The following COA8 variants were observed in gnomAD, a reference collection of about 807,000 sequenced individuals.
COA8 encodes UPF0671 protein C14orf153.
A neutral mutation model predicts 22.0 loss-of-function variants in COA8; 20 were observed. That is an observed-to-expected ratio of 0.91 (90% CI 0.64 to 1.32). The LOEUF is 1.32. COA8 is among the 40% of genes most tolerant of loss of function. The pLI is 0.00. For synonymous variants in COA8, 105 were observed against 79.9 expected, an observed-to-expected ratio of 1.31 and a Z score of -1.68; for missense variants, 266 against 230.0, an observed-to-expected ratio of 1.16 and a Z score of -1.01.
chr14:103,577,591 T>C (rs1037931128), intron 3 of COA8, among the ~76,000 whole-genome samples: 1 of 152,076 alleles, frequency 6.6e-6, no homozygotes, highest in South Asian at 2.1e-4. Context: ...TAAGAATTCA[T>C]GTGAGAGCCA....
At chr14:103,586,874 T>A (rs916374088) in intron 3 of COA8, among the ~76,000 whole-genome samples, 2 of 151,756 alleles carry the variant, frequency 1.3e-5, no homozygotes, top group Non-Finnish European at 2.9e-5. Flanking sequence ...TGGCTAATAT[T>A]TGTATTTTTA....
chr14:103,588,334 G>A (rs939784391), intron 4 of COA8: 1 of 395,214 alleles, frequency 2.5e-6, no homozygotes, highest in African/African-American at 2.1e-5. Context: ...GGGCAACATA[G>A]TGAAAGGCTT....
chr14:103,563,135 G>C lies in COA8; in HGVS notation c.123+11G>C. 4 of 1,541,380 alleles carry C rather than the reference G, an allele frequency of 2.6e-6. No homozygotes were observed. The highest frequency in any genetic ancestry group is 3.5e-6 in the Non-Finnish European group (4 of 1,149,404). On this transcript the variant is annotated intron_variant, in intron 1 of 4. Transcript: ENST00000409074. ...ACGGCGCCCAGCGGGGTAAGCAGGG[G>C]CCTGGGGACATTGGGCCGGGAGGGG... is the stretch of plus-strand genomic sequence containing the variant.
chr14:103,574,339 C>A, intron 3 of COA8, 169 bp downstream of exon 3: 1 of 877,358 alleles, frequency 1.1e-6, no homozygotes, highest in Non-Finnish European at 1.9e-6. Context: ...ACACCCAGTT[C>A]CCAGGCATGG....
chr14:103,590,178 C>A lies in COA8; in HGVS notation c.477-3C>A. On this transcript the variant is annotated splice_region_variant and splice_polypyrimidine_tract_variant and intron_variant, in intron 4 of 4. Coordinates refer to ENST00000409074, the MANE Select transcript of COA8 (RefSeq NM_001370595.2). Reference sequence around the variant, plus strand: ...CACCTGTGCATCCTCTGTTTCTCTACAGAGATTGGTACAAGCGCAATTTTG... The same window carrying A: ...CACCTGTGCATCCTCTGTTTCTCTAAAGAGATTGGTACAAGCGCAATTTTG... The A allele has an allele frequency of 6.2e-7, 1 of 1,613,586 alleles. No individual in the cohort carries two copies. The highest frequency in any genetic ancestry group is 8.5e-7 in the Non-Finnish European group (1 of 1,179,576).
intron 1 of COA8, chr14:103,563,357 TTTAAGC>T: frequency 1.4e-6 from 1 of 695,908 alleles, no homozygotes; most frequent in Non-Finnish European, 2.6e-6. Context: ...AGCCAGAACC[TTTAAGC>T]GTAACAGAGT....
Position 103,590,425 on chromosome 14 carries a change from G to A in COA8, c.*139G>A, listed in dbSNP as rs567565385. ...AAGGGGCCCCATGGCCTGTTTGGGGGCAGGGTAGGTCCTGGGGCACTGTGG... is the reference window on the plus strand; with the variant it reads ...AAGGGGCCCCATGGCCTGTTTGGGGACAGGGTAGGTCCTGGGGCACTGTGG... On this transcript the variant is annotated 3_prime_UTR_variant, in exon 5 of 5. Transcript: ENST00000409074. 6 of 741,896 alleles carry A rather than the reference G, an allele frequency of 8.1e-6. No homozygotes were observed. The highest frequency in any genetic ancestry group is 1.3e-5 in the Non-Finnish European group (6 of 461,058). The allele number at this position is 741,896 out of a possible 1,614,324, so 46.0% of individuals were successfully genotyped here.
intron 1 of COA8, among the ~76,000 whole-genome samples, chr14:103,568,922 G>A (rs1403363638): frequency 6.6e-6 from 1 of 152,050 alleles, no homozygotes; most frequent in African/African-American, 2.4e-5. Context: ...GTGAGCCACC[G>A]CGCCCGGCTG....
chr14:103,573,680 G>A (rs1354228487), intron 2 of COA8, among the ~76,000 whole-genome samples: 1 of 152,064 alleles, frequency 6.6e-6, no homozygotes, highest in African/African-American at 2.4e-5. Context: ...AGCCTCCTAA[G>A]TAGGTGGGAT....
chr14:103,584,390 G>A (rs144142806), intron 3 of COA8, among the ~76,000 whole-genome samples: 84 of 152,130 alleles, frequency 5.5e-4, no homozygotes, highest in Non-Finnish European at 1.0e-3. Context: ...TGGTCTTTCC[G>A]GCCCCCATCC....
chr14:103,574,928 C>A (rs1297461967), intron 3 of COA8, among the ~76,000 whole-genome samples: 2 of 152,258 alleles, frequency 1.3e-5, no homozygotes, highest in African/African-American at 4.8e-5. Context: ...TTGCATTTCC[C>A]ACAGTGACCC....
intron 1 of COA8, among the ~76,000 whole-genome samples, chr14:103,564,494 C>T (rs545952969): frequency 8.3e-4 from 126 of 151,562 alleles, no homozygotes; most frequent in Non-Finnish European, 1.5e-3. Flanking sequence ...GGGATTTTCC[C>T]TAGCTTATTT....
chr14:103,582,770 G>A (rs1398320566), intron 3 of COA8, among the ~76,000 whole-genome samples: 1 of 108,438 alleles, frequency 9.2e-6, no homozygotes, highest in Non-Finnish European at 1.8e-5. Context: ...GAGTCTCCTT[G>A]TCGTGCCCTG....
intron 3 of COA8, among the ~76,000 whole-genome samples, chr14:103,576,628 G>GT (rs940060897): frequency 6.6e-6 from 1 of 152,152 alleles, no homozygotes; most frequent in Non-Finnish European, 1.5e-5. Context: ...TCTTCCTCAT[G>GT]TTTAAACTTT....
intron 3 of COA8, among the ~76,000 whole-genome samples, chr14:103,576,766 C>T (rs1566981949): frequency 6.6e-6 from 1 of 152,174 alleles, no homozygotes; most frequent in South Asian, 2.1e-4. Context: ...GGCTCCAGCC[C>T]GGTTGGGAGG....
At chr14:103,565,499 A>G (rs937459510) in intron 1 of COA8, among the ~76,000 whole-genome samples, 2 of 151,832 alleles carry the variant, frequency 1.3e-5, no homozygotes, top group African/African-American at 4.8e-5. Context: ...TGACTCTTTT[A>G]GTTCTTTTTT....
chr14:103,570,984 GC>G (rs1366822651), intron 1 of COA8, among the ~76,000 whole-genome samples: 1 of 152,068 alleles, frequency 6.6e-6, no homozygotes, highest in East Asian at 1.9e-4. Flanking sequence ...CGTTGGACTT[GC>G]AAAAAACCTG....
intron 1 of COA8, among the ~76,000 whole-genome samples, chr14:103,569,389 TC>T (rs564159350): frequency 8.8e-4 from 134 of 152,366 alleles, no homozygotes; most frequent in African/African-American, 3.1e-3. Context: ...ACCAGCTTTA[TC>T]CGTAAAGCAG....
At position 103,590,211 on chromosome 14, in the gene COA8, C is replaced by G; in HGVS notation, c.507C>G (p.Thr169=). 6.2e-7 allele frequency: 1 copy of G among 1,614,174 alleles called. No homozygotes were observed. The highest frequency in any genetic ancestry group is 8.5e-7 in the Non-Finnish European group (1 of 1,180,014). ...RDWYKRNFAI[T]FFMGKVALER... ...GGTACAAGCGCAATTTTGCCATCAC[C>G]TTCTTCATGGGAAAAGTGGCCCTGG... The change falls in exon 5 of 5, where the codon ACC becomes ACG. Residue 169 remains threonine (T), a synonymous_variant. Coordinates refer to ENST00000409074, the MANE Select transcript of COA8 (RefSeq NM_001370595.2).
Sources: gnomAD v4.1 joint callset for allele counts (sites outside exome capture counted in the v4.1 genomes callset) on GRCh38, gnomAD v4.1.1 for gene constraint, MANE v1.5 for transcripts, NCBI Gene and HGNC (gene_info 2026-07-23, HGNC 2026-07-21) for gene names.